Variants in RNF213 observed in about 807,000 individuals in gnomAD.
The protein encoded by RNF213 is E3 ubiquitin-protein ligase RNF213.
Under a neutral mutation model 514.4 loss-of-function variants are expected in RNF213, and 341 were observed. That is an observed-to-expected ratio of 0.66 (90% CI 0.61 to 0.73). The LOEUF is 0.73. Ranked by LOEUF, RNF213 falls within the 30% of genes least tolerant of loss-of-function variation. The probability of loss-of-function intolerance (pLI) is 0.00; values close to 1 mark genes in which losing one functional copy is unlikely to be tolerated. For synonymous variants in RNF213, 2,655 were observed against 2,658.2 expected (o/e 1.00, Z 0.04); for missense variants, 5,767 against 6,615.6 (o/e 0.87, Z 4.45).
chr17:80,338,104 T>G (rs1359829189), intron 25 of RNF213, 107 bp downstream of exon 25: 114 of 1,342,580 alleles, frequency 8.5e-5, no homozygotes, highest in Non-Finnish European at 1.2e-4. Context: ...ATTTGACTGA[T>G]AAGAAGGGCT....
Position 80,317,363 on chromosome 17 carries a change from G to C in RNF213, c.2901+86G>C. 8.4e-7 allele frequency: 1 copy of C among 1,195,588 alleles called. No homozygotes were observed. Among genetic ancestry groups the C allele is most frequent in the Non-Finnish European group, 1.2e-6 (1 of 815,100 alleles). 74.1% of individuals were successfully genotyped at this position (1,195,588 alleles called of 1,614,324 possible). A position where few individuals can be genotyped will look rare whatever the true frequency, so the allele number is the denominator to read the frequency against. On this transcript the variant is annotated intron_variant, in intron 16 of 67. Transcript: ENST00000582970. This position sits in a 1 kb window ranked among gnomAD's most constrained non-coding sequence, Gnocchi z 4.1. ...CATTAGCGACAGCCAAGAGATCTCA[G>C]CAGTGCCTCTCTGTGGGCAGGGATG... is the stretch of plus-strand genomic sequence containing the variant.
intron 44 of RNF213, 48 bp from the exon 45 acceptor site, chr17:80,369,454 G>T (rs756982963): frequency 6.5e-7 from 1 of 1,539,770 alleles, no homozygotes; most frequent in Non-Finnish European, 9.0e-7. Flanking sequence ...CTGTAAGGAG[G>T]CATTTGGGAA....
chr17:80,265,786 TAAGCCGG>T (rs2043592915), intron 2 of RNF213, among the ~76,000 whole-genome samples: 1 of 152,142 alleles, frequency 6.6e-6, no homozygotes, highest in African/African-American at 2.4e-5. Flanking sequence ...TGGGGGCACT[TAAGCCGG>T]ATGCCGTGGT....
chr17:80,263,643 T>G lies in RNF213; in HGVS notation c.-39T>G, dbSNP rs1160850939. 1 of 1,564,594 alleles carries G rather than the reference T, an allele frequency of 6.4e-7. No individual in the cohort carries two copies. The highest frequency in any genetic ancestry group is 1.4e-5 in the African/African-American group (1 of 74,010). ...ATAGCAGGCTGCCAGCGACTCCTGC[T>G]CTTGCTTCTGGATCTGCAGGGCAGT... On this transcript the variant is annotated 5_prime_UTR_variant, in exon 2 of 68. Coordinates refer to ENST00000582970, the MANE Select transcript of RNF213 (RefSeq NM_001256071.3). This position sits in a 1 kb window ranked among gnomAD's most constrained non-coding sequence, Gnocchi z 4.9.
intron 42 of RNF213, among the ~76,000 whole-genome samples, chr17:80,366,960 C>T (rs2079300193): frequency 6.6e-6 from 1 of 152,212 alleles, no homozygotes; most frequent in African/African-American, 2.4e-5. Context: ...GTTTCCACTT[C>T]TAACTATATC....
chr17:80,293,680 C>T (rs1050139802), intron 8 of RNF213, among the ~76,000 whole-genome samples: 4 of 151,912 alleles, frequency 2.6e-5, no homozygotes, highest in South Asian at 2.1e-4. Flanking sequence ...AAAAATTGGC[C>T]GGGCGTCTTG....
intron 64 of RNF213, chr17:80,388,915 C>T (rs2080348304): frequency 1.6e-6 from 1 of 626,106 alleles, no homozygotes; most frequent in South Asian, 1.8e-5. Flanking sequence ...GATGTTGATG[C>T]ATGGCCATGC....
At position 80,339,224 on chromosome 17, in the gene RNF213, C is replaced by T; in HGVS notation, c.4857C>T (p.Leu1619=). The T allele has an allele frequency of 1.3e-6, 2 of 1,496,816 alleles. No individual in the cohort carries two copies. Among genetic ancestry groups the T allele is most frequent in the South Asian group, 2.6e-5 (2 of 76,306 alleles). The allele number at this position is 1,496,816 out of a possible 1,614,324, so 92.7% of individuals were successfully genotyped here. Residue 1619 remains leucine (L), a synonymous_variant, in exon 26 of 68, where the codon CTC becomes CTT. Transcript: ENST00000582970. The stretch of plus-strand genomic sequence containing the variant: ...AGGTCTTCTGCAGTGTGCAGAGGCT[C>T]AGCCAGGCCTTCATCGACCTGCACT... ...FSEVFCSVQR[L]SQAFIDLHSA... is the part of the protein sequence containing the mutation.
chr17:80,349,711 G>A, intron 29 of RNF213, 59 bp from the exon 30 acceptor site: 2 of 1,582,336 alleles, frequency 1.3e-6, no homozygotes, highest in Non-Finnish European at 1.7e-6. Flanking sequence ...AAACCTGGCA[G>A]CAGACTTGCA....
chr17:80,386,511 C>T, intron 62 of RNF213, 81 bp downstream of exon 62: 1 of 1,515,276 alleles, frequency 6.6e-7, no homozygotes, highest in Non-Finnish European at 9.1e-7. Context: ...AAGCAAGCTT[C>T]AGCCCCTTCC....
Position 80,332,431 on chromosome 17 carries a change from A to G in RNF213, c.3943A>G (p.Thr1315Ala), listed in dbSNP as rs758179297. The G allele has an allele frequency of 1.8e-5, 27 of 1,537,042 alleles. No homozygotes were observed. Among genetic ancestry groups the G allele is most frequent in the Non-Finnish European group, 2.4e-5 (27 of 1,146,926 alleles). ...CTTCAAGGACTTTGTGAATAAATAC[A>G]CGGACCTGGATTCAGAACTTAAGAT... ...VIFKDFVNKY[T>A]DLDSELKIMC... Residue 1315 changes from threonine (T) to alanine (A), a missense_variant, in exon 21 of 68, where the codon ACG becomes GCG. Physicochemically the swap from Thr to Ala is moderately conservative, Grantham distance 58. Around this residue, in one of 13 missense-constraint regions of RNF213, gnomAD observed 516 missense variants for 566.5 expected, o/e 0.91. Transcript: ENST00000582970.
intron 36 of RNF213, among the ~76,000 whole-genome samples, chr17:80,355,445 G>C (rs1164223157): frequency 9.5e-6 from 1 of 104,868 alleles, no homozygotes; most frequent in African/African-American, 3.6e-5. Context: ...TGGGAATCGG[G>C]GCTCACGGAG....
chr17:80,298,410 G>GTA lies in RNF213; in HGVS notation c.2104_2105dup (p.Met702IlefsTer35). On this transcript the variant is annotated frameshift_variant, in exon 11 of 68. Coordinates refer to ENST00000582970, the MANE Select transcript of RNF213 (RefSeq NM_001256071.3). LOFTEE classifies it high-confidence loss of function. ...GGCGCCCTGCCTGTCCTGCACTGCT[G>GTA]TATGGAGCTGGCCCCGCGGCACAAG... 1 of 1,614,210 alleles carries GTA rather than the reference G, an allele frequency of 6.2e-7. No homozygotes were observed. The highest frequency in any genetic ancestry group is 1.3e-5 in the African/African-American group (1 of 75,054).
At position 80,396,782 on chromosome 17, in the gene RNF213, C is replaced by CACCCTCT. The variant is rs1275480161; in HGVS notation, c.*3285_*3291dup. 1 of 137,380 alleles carries CACCCTCT rather than the reference C, an allele frequency of 7.3e-6. No homozygotes were observed. The highest frequency in any genetic ancestry group is 2.5e-4 in the East Asian group (1 of 4,038). The allele number at this position is 137,380 out of a possible 1,614,324, so 8.5% of individuals were successfully genotyped here. A position where few individuals can be genotyped will look rare whatever the true frequency, so the allele number is the denominator to read the frequency against. On this transcript the variant is annotated 3_prime_UTR_variant, in exon 68 of 68. Transcript: ENST00000582970. ...ACTTTGGTCAGAAGTCACACCTAAT[C>CACCCTCT]ACCCTCTCTGCAGGATATGCTGGGG... is the stretch of plus-strand genomic sequence containing the variant.
At chr17:80,291,470 G>A (rs80014477) in intron 7 of RNF213, among the ~76,000 whole-genome samples, 158 bp from the exon 8 acceptor site, 4 of 152,038 alleles carry the variant, frequency 2.6e-5, no homozygotes, top group Admixed American at 1.3e-4. Flanking sequence ...AAGTCCTCCC[G>A]CCTCAGCCTC....
rs2079176379 is a variant in RNF213, at chr17:80,364,413, G to C, written c.11751-20G>C. 6.2e-7 allele frequency: 1 copy of C among 1,613,884 alleles called. No individual in the cohort carries two copies. The highest frequency in any genetic ancestry group is 8.5e-7 in the Non-Finnish European group (1 of 1,180,016). ...TGGTGGGAGCCGAGTGAGTGAGTGA[G>C]TGGCGCCCTCTTTTGACAGAGCCCA... On this transcript the variant is annotated intron_variant, in intron 41 of 67. Coordinates refer to ENST00000582970, the MANE Select transcript of RNF213 (RefSeq NM_001256071.3).
intron 41 of RNF213, among the ~76,000 whole-genome samples, chr17:80,364,154 G>T (rs139395656): frequency 2.0e-5 from 3 of 152,330 alleles, no homozygotes; most frequent in African/African-American, 7.2e-5. Flanking sequence ...TAAAGGTGAG[G>T]TGGGACTTGA....
At chr17:80,291,603 C>G in intron 7 of RNF213, 25 bp from the exon 8 acceptor site, 1 of 1,612,328 alleles carries the variant, frequency 6.2e-7, no homozygotes, top group Non-Finnish European at 8.5e-7. Flanking sequence ...TTTTGGATAG[C>G]CAACCGTATC....
intron 26 of RNF213, among the ~76,000 whole-genome samples, chr17:80,342,536 TTCTCTC>T (rs147286130): frequency 1.4e-5 from 2 of 146,956 alleles, no homozygotes; most frequent in East Asian, 3.9e-4. Flanking sequence ...GACTTAATTT[TTCTCTC>T]TCTCTCTCTC....
Sources: gnomAD v4.1 joint callset for allele counts (sites outside exome capture counted in the v4.1 genomes callset) on GRCh38, gnomAD v4.1.1 for gene constraint, gnomAD v4.1.1 regional missense constraint, Gnocchi (gnomAD v3.1) non-coding constraint, MANE v1.5 for transcripts, NCBI Gene and HGNC (gene_info 2026-07-23, HGNC 2026-07-21) for gene names.